TRPM6: variants seen among roughly 807,000 people sequenced by gnomAD.
The protein encoded by TRPM6 is transient receptor potential cation channel subfamily M member 6, also known as channel kinase 2.
Under a neutral mutation model 247.6 loss-of-function variants are expected in TRPM6, and 111 were observed. The ratio of observed to expected loss-of-function variants is 0.45; its 90% CI spans 0.38 to 0.52. The LOEUF is 0.52. TRPM6 is among the 20% of genes least tolerant of loss of function. The pLI, the probability that TRPM6 is intolerant of heterozygous loss-of-function variation, is 0.00. For synonymous variants in TRPM6, 892 were observed against 853.8 expected, an observed-to-expected ratio of 1.04 and a Z score of -0.78; for missense variants, 2,126 against 2,421.5, an observed-to-expected ratio of 0.88 and a Z score of 2.56.
At chr9:74,887,319 T>C in intron 1 of TRPM6, 1 of 1,382,910 alleles carries the variant, frequency 7.2e-7, no homozygotes, top group Non-Finnish European at 9.3e-7. Flanking sequence ...GACGGCCGTC[T>C]GGGCACTTCT....
chr9:74,801,275 T>TTTTTTTTA (rs1491404272), intron 16 of TRPM6, among the ~76,000 whole-genome samples: 7 of 75,812 alleles, frequency 9.2e-5, no homozygotes, highest in African/African-American at 4.4e-4. Context: ...TTTTTTTTTT[T>TTTTTTTTA]ATTGACGGAG....
Position 74,816,763 on chromosome 9 carries a change from T to G in TRPM6, c.1214A>C (p.Asn405Thr), listed in dbSNP as rs1343840455. The G allele has an allele frequency of 5.0e-6, 8 of 1,614,068 alleles. No individual in the cohort carries two copies. The Admixed American group carries it at 1.0e-4, about 20-fold the overall frequency. ...AILTALLKGT[N>T]LSASEQLNLA... is the part of the protein sequence containing the mutation. ...ATTTAATTGCTCTGACGCTGATAAATTTGTGCCTAGGGTAAAAGAAAGGAA... is the reference window on the plus strand; with the variant it reads ...ATTTAATTGCTCTGACGCTGATAAAGTTGTGCCTAGGGTAAAAGAAAGGAA... The change falls in exon 11 of 39, where the codon AAT (asparagine) becomes ACT (threonine). Residue 405 changes from asparagine to threonine, a missense_variant. Physicochemically the swap from Asn to Thr is moderately conservative, Grantham distance 65. Around this residue, in one of 3 missense-constraint regions of TRPM6, gnomAD observed 1,082 missense variants for 1,307.9 expected, o/e 0.83. Coordinates refer to ENST00000360774, the MANE Select transcript of TRPM6 (RefSeq NM_017662.5).
intron 16 of TRPM6, 96 bp from the exon 17 acceptor site, chr9:74,800,578 G>A: frequency 1.1e-6 from 1 of 877,908 alleles, no homozygotes; most frequent in Non-Finnish European, 1.8e-6. Context: ...GTAAAAGATT[G>A]GATGTGAGGC....
chr9:74,829,397 A>C (rs759739066), intron 6 of TRPM6, among the ~76,000 whole-genome samples: 1 of 152,252 alleles, frequency 6.6e-6, no homozygotes, highest in Non-Finnish European at 1.5e-5. Flanking sequence ...CATTTTCTTA[A>C]GCTGCTCCAC....
At chr9:74,784,405 C>T (rs1403827201) in intron 21 of TRPM6, among the ~76,000 whole-genome samples, 1 of 152,128 alleles carries the variant, frequency 6.6e-6, no homozygotes, top group African/African-American at 2.4e-5. Context: ...TTTGCTTAAC[C>T]TCCATTTCCT....
At position 74,762,756 on chromosome 9, in the gene TRPM6, GTT is replaced by G; in HGVS notation, c.3913_3914del (p.Asn1305GlnfsTer2). On this transcript the variant is annotated frameshift_variant, in exon 26 of 39. Coordinates refer to ENST00000360774, the MANE Select transcript of TRPM6 (RefSeq NM_017662.5). LOFTEE classifies it high-confidence loss of function. ...VQRGALLEIT[N>X]SKREATNVRN... ...TTACATTTGTAGCCTCTCTTTTACT[GTT>G]TGTAATCTCAAGAAGTGCCCCCCTC... 1.9e-6 allele frequency: 3 copies of G among 1,614,054 alleles called. No homozygotes were observed. In the South Asian group the frequency reaches 3.3e-5, roughly 18 times the overall value.
chr9:74,792,544 G>T, intron 19 of TRPM6, 80 bp downstream of exon 19: 1 of 1,457,968 alleles, frequency 6.9e-7, no homozygotes, highest in Non-Finnish European at 9.6e-7. Flanking sequence ...ATGCAAAGTG[G>T]CAAATCAGGC....
chr9:74,866,909 T>C (rs1009004260), intron 1 of TRPM6, among the ~76,000 whole-genome samples: 1 of 152,228 alleles, frequency 6.6e-6, no homozygotes, highest in African/African-American at 2.4e-5. Flanking sequence ...TACCAATATT[T>C]ACCACATATG....
chr9:74,842,266 T>G lies in TRPM6; in HGVS notation c.230A>C (p.Glu77Ala), dbSNP rs1036251193. The change falls in exon 4 of 39, where the codon GAA becomes GCA. Residue 77 changes from glutamate (E) to alanine (A), a missense_variant. Physicochemically the swap from Glu to Ala is moderately radical, Grantham distance 107. This residue lies in a region of TRPM6 where 1,082 missense variants were observed against 1,307.9 expected (regional missense o/e 0.83). Coordinates refer to ENST00000360774, the MANE Select transcript of TRPM6 (RefSeq NM_017662.5). Reference protein sequence around the residue: ...SWTISAAKGKESEQWSVEKHT... With the variant: ...SWTISAAKGKASEQWSVEKHT... ...CTTTTCAACAGACCATTGTTCACTT[T>G]CTTTACCCTTGGCAGCTGAGATGGT... 6.2e-7 allele frequency: 1 copy of G among 1,614,192 alleles called. No homozygotes were observed. The highest frequency in any genetic ancestry group is 8.5e-7 in the Non-Finnish European group (1 of 1,180,036).
rs935800346 is a variant in TRPM6 at position 74,887,574 on chromosome 9, G to A, written c.33+250C>T. On this transcript the variant is annotated intron_variant, in intron 1 of 38. Transcript: ENST00000360774. ...CTCTGACACCACCTCCGCTATGGCC[G>A]CATCCCAGCTCTTGAAACGGGGGCT... The A allele has an allele frequency of 4.7e-6, 7 of 1,486,224 alleles. No individual in the cohort carries two copies. The African/African-American group carries it at 9.7e-5, about 21-fold the overall frequency. The allele number at this position is 1,486,224 out of a possible 1,614,324, so 92.1% of individuals were successfully genotyped here.
intron 3 of TRPM6, among the ~76,000 whole-genome samples, chr9:74,847,556 TA>T (rs1830150836): frequency 6.6e-6 from 1 of 152,106 alleles, no homozygotes; most frequent in Non-Finnish European, 1.5e-5. Context: ...TTAGTGTCAC[TA>T]AAGTTGGTAT....
In TRPM6 at chr9:74,755,463, A is replaced by G; in HGVS notation, c.4796T>C (p.Val1599Ala). 6.2e-7 allele frequency: 1 copy of G among 1,614,102 alleles called. No individual in the cohort carries two copies. The highest frequency in any genetic ancestry group is 8.5e-7 in the Non-Finnish European group (1 of 1,179,978). The change falls in exon 28 of 39, where the codon GTC (valine) becomes GCC (alanine). Residue 1599 changes from valine to alanine, a missense_variant. By Grantham distance (64) the Val-to-Ala change is moderately conservative. Around this residue, in one of 3 missense-constraint regions of TRPM6, gnomAD observed 717 missense variants for 715.9 expected, o/e 1.00. Coordinates refer to ENST00000360774, the MANE Select transcript of TRPM6 (RefSeq NM_017662.5). ...CTGGTCACTCTGAGAGCAGGCATTGACTGTTATGATCTGGAGAGAAAGACA... is the reference window on the plus strand; with the variant it reads ...CTGGTCACTCTGAGAGCAGGCATTGGCTGTTATGATCTGGAGAGAAAGACA... ...TQGLQVPIIT[V>A]NACSQSDQLN... is the part of the protein sequence containing the mutation.
chr9:74,861,002 G>A (rs919707661), intron 1 of TRPM6, among the ~76,000 whole-genome samples: 4 of 150,206 alleles, frequency 2.7e-5, no homozygotes, highest in East Asian at 2.0e-4. Context: ...TAGCCTGGGC[G>A]ACAGAGTGAG....
chr9:74,798,678 A>T (rs190078060), intron 17 of TRPM6, among the ~76,000 whole-genome samples: 55 of 152,298 alleles, frequency 3.6e-4, no homozygotes, highest in African/African-American at 1.3e-3. Flanking sequence ...TAGCCAGGAC[A>T]TCTCACAATT....
chr9:74,860,160 T>G (rs1830652458), intron 1 of TRPM6, among the ~76,000 whole-genome samples: 1 of 152,262 alleles, frequency 6.6e-6, no homozygotes, highest in Admixed American at 6.5e-5. Flanking sequence ...AAATCTTACC[T>G]ATAAACAAGG....
At chr9:74,820,247 A>G (rs1459242430) in intron 9 of TRPM6, 57 bp downstream of exon 9, 3 of 1,569,550 alleles carry the variant, frequency 1.9e-6, no homozygotes, top group African/African-American at 1.4e-5. Flanking sequence ...TAAATATTAC[A>G]GTGTTTATAA....
chr9:74,855,260 A>T (rs768502593), intron 3 of TRPM6, among the ~76,000 whole-genome samples: 5 of 152,242 alleles, frequency 3.3e-5, no homozygotes, highest in Non-Finnish European at 7.3e-5. Flanking sequence ...GTGATCATAA[A>T]ACTAAAATGT....
At position 74,742,632 on chromosome 9, in the gene TRPM6, A is replaced by G. The variant is rs1246606841; in HGVS notation, c.5135-6T>C. 3 of 1,613,530 alleles carry G rather than the reference A, an allele frequency of 1.9e-6. No homozygotes were observed. Among genetic ancestry groups the G allele is most frequent in the African/African-American group, 1.3e-5 (1 of 75,058 alleles). On this transcript the variant is annotated splice_polypyrimidine_tract_variant and splice_region_variant and intron_variant, in intron 32 of 38. Coordinates refer to ENST00000360774, the MANE Select transcript of TRPM6 (RefSeq NM_017662.5). ...TAAATTATTCCTTTCAATGGCTGCA[A>G]ACAAAAACAGATTTTCTATTTTAAG...
At position 74,755,408 on chromosome 9, in the gene TRPM6, GA is replaced by G. The variant is rs1465627212; in HGVS notation, c.4850del (p.Ile1617ThrfsTer21). The G allele has an allele frequency of 6.2e-7, 1 of 1,614,116 alleles. No homozygotes were observed. On this transcript the variant is annotated frameshift_variant, in exon 28 of 39. Coordinates refer to ENST00000360774, the MANE Select transcript of TRPM6 (RefSeq NM_017662.5). LOFTEE classifies it high-confidence loss of function. ...QLNPEPGENS[I>X]SEEEYSKNWF... Reference sequence around the variant, plus strand: ...AGTTCTTGCTGTACTCCTCTTCAGAGATGCTGTTTTCTCCTGGCTCTGGATT... The same window carrying G: ...AGTTCTTGCTGTACTCCTCTTCAGAGTGCTGTTTTCTCCTGGCTCTGGATT...
Sources: gnomAD v4.1 joint callset for allele counts (sites outside exome capture counted in the v4.1 genomes callset) on GRCh38, gnomAD v4.1.1 for gene constraint, gnomAD v4.1.1 regional missense constraint, MANE v1.5 for transcripts, NCBI Gene and HGNC (gene_info 2026-07-23, HGNC 2026-07-21) for gene names.